Variants in ITPKB observed in about 807,000 individuals in gnomAD.
ITPKB encodes the protein IP3 3-kinase B.
In ITPKB, 13 loss-of-function variants were observed where a neutral mutation model predicts 69.4. The observed-to-expected ratio is 0.19, with a 90% CI of 0.12 to 0.30. ITPKB has a LOEUF of 0.30. Ranked by LOEUF, ITPKB falls within the 10% of genes least tolerant of loss-of-function variation. The probability of loss-of-function intolerance (pLI) is 1.00; values close to 1 mark genes in which losing one functional copy is unlikely to be tolerated. For missense variants in ITPKB, 1,240 were observed against 1,250.5 expected (o/e 0.99, Z 0.13); for synonymous variants, 584 against 513.7 (o/e 1.14, Z -1.85).
chr1:226,652,652 C>T (rs150480461), intron 2 of ITPKB, among the ~76,000 whole-genome samples: 229 of 152,350 alleles, frequency 1.5e-3, no homozygotes, highest in Non-Finnish European at 2.6e-3. Flanking sequence ...ATGCCTTGAA[C>T]GTGGTGTGGC....
chr1:226,695,845 T>C (rs1270486613), intron 2 of ITPKB, among the ~76,000 whole-genome samples: 1 of 151,830 alleles, frequency 6.6e-6, no homozygotes, highest in Non-Finnish European at 1.5e-5. Flanking sequence ...ACAATGTCAC[T>C]GTGAGCCCCC....
At chr1:226,695,394 G>A (rs914285407) in intron 2 of ITPKB, among the ~76,000 whole-genome samples, 1 of 152,180 alleles carries the variant, frequency 6.6e-6, no homozygotes, top group African/African-American at 2.4e-5. Context: ...AATCAATTGT[G>A]CAAAGTGAGA....
At position 226,736,978 on chromosome 1, in the gene ITPKB, TG is replaced by T; in HGVS notation, c.480del (p.Ile161PhefsTer70). ...FEAHIQAQSSAIQAPRSPRLG... is the reference protein window; with the variant it reads ...FEAHIQAQSSXIQAPRSPRLG... Reference sequence around the variant, plus strand: ...AAACGCGGGCTGCGGGGCGCTTGAATGGCGGAGCTCTGTGCCTGGATGTGCG... The same window carrying T: ...AAACGCGGGCTGCGGGGCGCTTGAATGCGGAGCTCTGTGCCTGGATGTGCG... On this transcript the variant is annotated frameshift_variant, in exon 2 of 8. Transcript: ENST00000429204. LOFTEE classifies it high-confidence loss of function. The T allele has an allele frequency of 6.2e-7, 1 of 1,612,502 alleles. No individual in the cohort carries two copies. Among genetic ancestry groups the T allele is most frequent in the Non-Finnish European group, 8.5e-7 (1 of 1,179,926 alleles).
chr1:226,689,467 G>A (rs543397620), intron 2 of ITPKB, among the ~76,000 whole-genome samples: 13 of 152,228 alleles, frequency 8.5e-5, no homozygotes, highest in African/African-American at 3.1e-4. Context: ...AATCCTATAG[G>A]TAAATACAAC....
In ITPKB at chr1:226,734,112, T is replaced by C. The variant is rs149503563; in HGVS notation, c.1932+1415A>G. On this transcript the variant is annotated intron_variant, in intron 2 of 7. Transcript: ENST00000429204. ...CCTTCAGAAAGAAGTATTTCCCACC[T>C]GCCCTTGACCACCATCCCCTTCCAG... is the stretch of plus-strand genomic sequence containing the variant. 5.5e-3 allele frequency among the ~76,000 whole-genome samples: 831 copies of C among 152,380 alleles called. 12 individuals are homozygous for C. Among genetic ancestry groups the C allele is most frequent in the African/African-American group, 0.018 (746 of 41,584 alleles).
At chr1:226,690,227 C>T (rs1201821034) in intron 2 of ITPKB, among the ~76,000 whole-genome samples, 1 of 152,196 alleles carries the variant, frequency 6.6e-6, no homozygotes, top group Non-Finnish European at 1.5e-5. Context: ...TTTACACTCA[C>T]ACCAACAGTG....
intron 2 of ITPKB, among the ~76,000 whole-genome samples, chr1:226,680,489 G>T (rs1656056034): frequency 6.6e-6 from 1 of 152,160 alleles, no homozygotes; most frequent in Non-Finnish European, 1.5e-5. Context: ...TCCTTTTCCG[G>T]GACCAGCTGG....
chr1:226,651,239 G>A (rs1415079959), intron 2 of ITPKB, among the ~76,000 whole-genome samples: 1 of 152,230 alleles, frequency 6.6e-6, no homozygotes, highest in Non-Finnish European at 1.5e-5. Flanking sequence ...CATGGGGGCT[G>A]CAGACAGAGG....
At chr1:226,666,461 G>C (rs1669505512) in intron 2 of ITPKB, among the ~76,000 whole-genome samples, 1 of 152,184 alleles carries the variant, frequency 6.6e-6, no homozygotes, top group Non-Finnish European at 1.5e-5. Flanking sequence ...TGGGAAGATA[G>C]AGCATGTGCA....
At position 226,711,438 on chromosome 1, in the gene ITPKB, AGAGAGTGTGT is replaced by A. The variant is rs369015181; in HGVS notation, c.1932+24079_1932+24088del. Among the ~76,000 whole-genome samples, 615 of 116,116 alleles carry A rather than the reference AGAGAGTGTGT, an allele frequency of 5.3e-3. 3 individuals carry two copies. The highest frequency in any genetic ancestry group is 6.6e-3 in the Non-Finnish European group (348 of 53,120). The allele number at this position is 116,116 out of a possible 152,430, so 76.2% of individuals were successfully genotyped here. On this transcript the variant is annotated intron_variant, in intron 2 of 7. Coordinates refer to ENST00000429204, the MANE Select transcript of ITPKB (RefSeq NM_002221.4). Reference sequence around the variant, plus strand: ...GAGAGAGAGAGAGAGAGAGAGAGAGAGAGAGTGTGTGTGTGTGTGTGTGTGTGTGTTGTGT... The same window carrying A: ...GAGAGAGAGAGAGAGAGAGAGAGAGAGTGTGTGTGTGTGTGTGTGTTGTGT...
intron 2 of ITPKB, among the ~76,000 whole-genome samples, chr1:226,732,291 T>C (rs577660004): frequency 6.6e-6 from 1 of 152,332 alleles, no homozygotes; most frequent in South Asian, 2.1e-4. Flanking sequence ...CAGGCTGCAG[T>C]GCAGTGGTAC....
intron 2 of ITPKB, among the ~76,000 whole-genome samples, chr1:226,667,144 C>G (rs1669517954): frequency 6.6e-6 from 1 of 152,196 alleles, no homozygotes; most frequent in African/African-American, 2.4e-5. Context: ...ATACCTCACA[C>G]ACGCATCTGC....
Position 226,737,563 on chromosome 1 carries a change from C to A in ITPKB, c.-105G>T. On this transcript the variant is annotated 5_prime_UTR_variant, in exon 2 of 8. Coordinates refer to ENST00000429204, the MANE Select transcript of ITPKB (RefSeq NM_002221.4). ...GGCTCAGCCCCGGAGGCCCGGCAGC[C>A]GCGGCTCCGCGCGCAGATGGGGCGG... 8.2e-7 allele frequency: 1 copy of A among 1,215,268 alleles called. No individual in the cohort carries two copies. Among genetic ancestry groups the A allele is most frequent in the Non-Finnish European group, 1.0e-6 (1 of 979,312 alleles). 75.3% of individuals were successfully genotyped at this position (1,215,268 alleles called of 1,614,324 possible). A position where few individuals can be genotyped will look rare whatever the true frequency, so the allele number is the denominator to read the frequency against.
chr1:226,651,787 G>C (rs1313659084), intron 2 of ITPKB, among the ~76,000 whole-genome samples: 1 of 152,158 alleles, frequency 6.6e-6, no homozygotes, highest in Admixed American at 6.5e-5. Flanking sequence ...GAAAGGAGGG[G>C]GTGCTCCAGG....
intron 7 of ITPKB, among the ~76,000 whole-genome samples, chr1:226,636,635 A>G (rs1191318557): frequency 1.3e-5 from 2 of 152,214 alleles, no homozygotes; most frequent in Non-Finnish European, 2.9e-5. Context: ...GACCTCCACA[A>G]GAGAGTCCCT....
At chr1:226,710,107 G>A (rs910004490) in intron 2 of ITPKB, among the ~76,000 whole-genome samples, 2 of 152,094 alleles carry the variant, frequency 1.3e-5, no homozygotes, top group Admixed American at 6.5e-5. Flanking sequence ...CCTGACTCAC[G>A]GCCTCCTTCA....
At chr1:226,683,289 C>G (rs542710966) in intron 2 of ITPKB, among the ~76,000 whole-genome samples, 1 of 152,338 alleles carries the variant, frequency 6.6e-6, no homozygotes, top group African/African-American at 2.4e-5. Context: ...TCTCCTTTTC[C>G]TTTTCTCTCC....
At chr1:226,682,177 C>T (rs1258339181) in intron 2 of ITPKB, among the ~76,000 whole-genome samples, 3 of 152,172 alleles carry the variant, frequency 2.0e-5, no homozygotes, top group Non-Finnish European at 2.9e-5. Flanking sequence ...CCCCCCGCCC[C>T]GAGATTCTGG....
In ITPKB at chr1:226,656,905, G is replaced by A. The variant is rs190643864; in HGVS notation, c.1933-8134C>T. The A allele has an allele frequency of 3.2e-4, 48 of 152,378 alleles. 1 individual carries two copies. The highest frequency in any genetic ancestry group is 3.1e-3 in the Admixed American group (47 of 15,308). 9.4% of individuals were successfully genotyped at this position (152,378 alleles called of 1,614,324 possible). ...GCTGCTCTGTAGACTGTCACAGACA[G>A]GCAAACCTTCCAGGCTCACTTTGGT... is the stretch of plus-strand genomic sequence containing the variant. On this transcript the variant is annotated intron_variant, in intron 2 of 7. Coordinates refer to ENST00000429204, the MANE Select transcript of ITPKB (RefSeq NM_002221.4).
Sources: gnomAD v4.1 joint callset for allele counts (sites outside exome capture counted in the v4.1 genomes callset) on GRCh38, gnomAD v4.1.1 for gene constraint, MANE v1.5 for transcripts, NCBI Gene and HGNC (gene_info 2026-07-23, HGNC 2026-07-21) for gene names.